Variants in CRADD observed in about 807,000 individuals in gnomAD.
CRADD encodes the protein death domain-containing protein CRADD.
CRADD carries 9 observed loss-of-function variants against 15.5 expected under a neutral mutation model. That is an observed-to-expected ratio of 0.58 (90% confidence interval 0.35 to 1.01). The LOEUF is 1.01. CRADD is among the 50% of genes least tolerant of loss of function. The probability of loss-of-function intolerance (pLI) is 0.02; values close to 1 mark genes in which losing one functional copy is unlikely to be tolerated. For missense variants in CRADD, 227 were observed against 250.3 expected, an observed-to-expected ratio of 0.91 and a Z score of 0.63; for synonymous variants, 118 against 107.6, an observed-to-expected ratio of 1.10 and a Z score of -0.60.
chr12:93,877,486 C>G (rs1958465522), intron 2 of CRADD, among the ~76,000 whole-genome samples: 1 of 152,228 alleles, frequency 6.6e-6, no homozygotes, highest in Admixed American at 6.5e-5. Flanking sequence ...CAGTCAAAAA[C>G]CTTAGAAGTC....
chr12:93,745,032 C>G (rs939664695), intron 2 of CRADD, among the ~76,000 whole-genome samples: 1 of 152,148 alleles, frequency 6.6e-6, no homozygotes. Flanking sequence ...GAATAAGAAA[C>G]TGGGTTCCCT....
intron 2 of CRADD, among the ~76,000 whole-genome samples, chr12:93,801,944 T>C (rs1957481000): frequency 6.6e-6 from 1 of 152,158 alleles, no homozygotes; most frequent in Non-Finnish European, 1.5e-5. Context: ...GAACATACAA[T>C]ATTTGTTTTC....
At chr12:93,796,307 A>G (rs1172523598) in intron 2 of CRADD, among the ~76,000 whole-genome samples, 2 of 152,156 alleles carry the variant, frequency 1.3e-5, no homozygotes, top group Non-Finnish European at 2.9e-5. Flanking sequence ...ATGAACTACC[A>G]TATAAAAGTC....
chr12:93,890,843 C>T (rs1196025819), intron 2 of CRADD, among the ~76,000 whole-genome samples: 1 of 151,504 alleles, frequency 6.6e-6, no homozygotes, highest in African/African-American at 2.4e-5. Context: ...CTGCAGCCTC[C>T]ACCTCCTGTG....
At chr12:93,789,983 G>A (rs1390581053) in intron 2 of CRADD, among the ~76,000 whole-genome samples, 2 of 152,168 alleles carry the variant, frequency 1.3e-5, no homozygotes, top group African/African-American at 2.4e-5. Flanking sequence ...TCTAAAGGTA[G>A]TAGTTGTGGT....
intron 2 of CRADD, among the ~76,000 whole-genome samples, chr12:93,777,097 A>G (rs1957148456): frequency 6.6e-6 from 1 of 152,238 alleles, no homozygotes; most frequent in African/African-American, 2.4e-5. Context: ...TATAGGATGG[A>G]AAGGATGAGG....
intron 2 of CRADD, among the ~76,000 whole-genome samples, chr12:93,828,897 G>GCCAATCAAA (rs1188767751): frequency 8.5e-5 from 13 of 152,102 alleles, no homozygotes; most frequent in African/African-American, 1.2e-4. Context: ...AAGTCATTTT[G>GCCAATCAAA]ATCGGGAGTG....
chr12:93,711,055 C>CCCCCTT, intron 2 of CRADD, among the ~76,000 whole-genome samples: 99 of 43,492 alleles, frequency 2.3e-3, no homozygotes, highest in Non-Finnish European at 2.7e-3. Flanking sequence ...CCACCCCCGC[C>CCCCCTT]TTTTTTTTTT....
At chr12:93,774,625 G>A (rs184075626) in intron 2 of CRADD, among the ~76,000 whole-genome samples, 4 of 152,338 alleles carry the variant, frequency 2.6e-5, no homozygotes, top group Admixed American at 6.5e-5. Context: ...CTTTGGGGAA[G>A]AAGAGGTTTG....
chr12:93,850,374 T>C lies in CRADD; in HGVS notation c.*103T>C, dbSNP rs2137050672. ...GTTTTTTGTGTAGGTTTGTTTTTTA[T>C]TTTTGATGATCTTCAGATGGAAGGA... On this transcript the variant is annotated 3_prime_UTR_variant, in exon 3 of 3. Coordinates refer to ENST00000332896, the MANE Select transcript of CRADD (RefSeq NM_003805.5). This position sits in a 1 kb window ranked among gnomAD's most constrained non-coding sequence, Gnocchi z 4.0. The C allele has an allele frequency of 1.4e-6, 2 of 1,437,662 alleles. No homozygotes were observed. The highest frequency in any genetic ancestry group is 5.2e-5 in the East Asian group (2 of 38,720). 89.1% of individuals were successfully genotyped at this position (1,437,662 alleles called of 1,614,324 possible).
In CRADD at chr12:93,773,567, T is replaced by C. The variant is rs116459374; in HGVS notation, c.299-76403T>C. 9.3e-3 allele frequency among the ~76,000 whole-genome samples: 1,414 copies of C among 152,226 alleles called. 26 individuals carry two copies. The highest frequency in any genetic ancestry group is 0.033 in the African/African-American group (1,350 of 41,504). On this transcript the variant is annotated intron_variant, in intron 2 of 2. Coordinates refer to ENST00000332896, the MANE Select transcript of CRADD (RefSeq NM_003805.5). The stretch of plus-strand genomic sequence containing the variant: ...GCAGTGTGAAACAGACTAATACAGG[T>C]TATTTCCTGCTGGAAGAAAGAGGAG...
chr12:93,785,472 A>T (rs1252956129), intron 2 of CRADD, among the ~76,000 whole-genome samples: 1 of 152,138 alleles, frequency 6.6e-6, no homozygotes, highest in African/African-American at 2.4e-5. Context: ...GAAGTCAAAG[A>T]TGCTCCACTG....
intron 2 of CRADD, among the ~76,000 whole-genome samples, chr12:93,802,187 T>C (rs1347814651): frequency 6.6e-6 from 1 of 152,214 alleles, no homozygotes; most frequent in Non-Finnish European, 1.5e-5. Context: ...TATGACTTCT[T>C]TTCCTCTGGG....
chr12:93,725,826 G>A (rs1956354030), intron 2 of CRADD, among the ~76,000 whole-genome samples: 1 of 152,092 alleles, frequency 6.6e-6, no homozygotes. Flanking sequence ...TCATTGTTGG[G>A]GTTTATATAT....
chr12:93,793,180 G>A (rs1319217453), intron 2 of CRADD, among the ~76,000 whole-genome samples: 1 of 152,184 alleles, frequency 6.6e-6, no homozygotes, highest in Non-Finnish European at 1.5e-5. Flanking sequence ...CCAGTTTACA[G>A]AAATTGCAAC....
chr12:93,863,187 G>A (rs1026940680), intron 2 of CRADD, among the ~76,000 whole-genome samples: 2 of 152,142 alleles, frequency 1.3e-5, no homozygotes, highest in African/African-American at 4.8e-5. Flanking sequence ...GAGGCAGTGG[G>A]CATTGTCTCT....
At chr12:93,757,922 A>G (rs762849078) in intron 2 of CRADD, among the ~76,000 whole-genome samples, 16 of 152,204 alleles carry the variant, frequency 1.1e-4, no homozygotes, top group Non-Finnish European at 2.2e-4. Context: ...GTGAGGGACA[A>G]TGGCTTGGAC....
intron 2 of CRADD, among the ~76,000 whole-genome samples, chr12:93,867,729 C>G (rs1017251577): frequency 6.6e-6 from 1 of 152,098 alleles, no homozygotes; most frequent in Non-Finnish European, 1.5e-5. Flanking sequence ...TAGAAGAACA[C>G]TAGGAAATAA....
At chr12:93,889,585 G>T (rs1958562211) in intron 2 of CRADD, among the ~76,000 whole-genome samples, 1 of 152,140 alleles carries the variant, frequency 6.6e-6, no homozygotes, top group Non-Finnish European at 1.5e-5. Flanking sequence ...ACCCCCAGCG[G>T]GTCTCAGAGG....
Sources: allele counts gnomAD v4.1 joint callset (sites outside exome capture counted in the v4.1 genomes callset), GRCh38; gene constraint gnomAD v4.1.1; non-coding constraint Gnocchi (gnomAD v3.1); transcripts MANE v1.5; gene names NCBI Gene and HGNC (gene_info 2026-07-23, HGNC 2026-07-21).